KIF21A: variants seen among roughly 807,000 people sequenced by gnomAD.
KIF21A encodes the protein kinesin-like protein KIF21A.
In KIF21A, 114 loss-of-function variants were observed where a neutral mutation model predicts 202.9. The ratio of observed to expected loss-of-function variants is 0.56; its 90% CI spans 0.48 to 0.66. The LOEUF is 0.66. Among genes scored for constraint, KIF21A ranks in the 30% least tolerant of loss-of-function variants. KIF21A has a pLI of 0.00. For missense variants in KIF21A, 1,677 were observed against 1,994.9 expected (o/e 0.84, Z 3.04); for synonymous variants, 667 against 670.8 (o/e 0.99, Z 0.09).
chr12:39,441,996 T>G (rs1296493419), intron 1 of KIF21A, among the ~76,000 whole-genome samples: 3 of 152,174 alleles, frequency 2.0e-5, no homozygotes, highest in Non-Finnish European at 4.4e-5. Context: ...TTTCACACAG[T>G]GTGATGATGT....
intron 1 of KIF21A, among the ~76,000 whole-genome samples, chr12:39,396,190 A>G (rs1461517952): frequency 6.6e-6 from 1 of 152,162 alleles, no homozygotes; most frequent in Non-Finnish European, 1.5e-5. Context: ...ATCCCATACC[A>G]AGTTGCCCTT....
At chr12:39,400,320 A>T (rs1242491482) in intron 1 of KIF21A, among the ~76,000 whole-genome samples, 1 of 152,086 alleles carries the variant, frequency 6.6e-6, no homozygotes, top group African/African-American at 2.4e-5. Flanking sequence ...CATGTGCAGG[A>T]TGTGCTGGAT....
intron 26 of KIF21A, 109 bp downstream of exon 26, chr12:39,325,730 C>A: frequency 1.3e-6 from 1 of 776,244 alleles, no homozygotes; most frequent in Non-Finnish European, 2.3e-6. Context: ...TTAGTAAAAC[C>A]ATGCCCTCTT....
At chr12:39,400,490 C>T (rs548485407) in intron 1 of KIF21A, among the ~76,000 whole-genome samples, 1 of 152,192 alleles carries the variant, frequency 6.6e-6, no homozygotes, top group East Asian at 1.9e-4. Flanking sequence ...TCCATGTATC[C>T]ATTTGTTCTC....
chr12:39,404,392 T>C (rs914609690), intron 1 of KIF21A, among the ~76,000 whole-genome samples: 1 of 152,156 alleles, frequency 6.6e-6, no homozygotes, highest in Non-Finnish European at 1.5e-5. Flanking sequence ...ATAAAAATAA[T>C]GTGGAATAAT....
chr12:39,366,519 T>C lies in KIF21A; in HGVS notation c.736-2A>G. The C allele has an allele frequency of 6.3e-7, 1 of 1,585,616 alleles. No individual in the cohort carries two copies. Reference sequence around the variant, plus strand: ...AATTTTATTATCAGTTGCATTGTCCTGAAATTAAGAAAAATAATTGAAAAT... The same window carrying C: ...AATTTTATTATCAGTTGCATTGTCCCGAAATTAAGAAAAATAATTGAAAAT... On this transcript the variant is annotated splice_acceptor_variant, in intron 5 of 37. Transcript: ENST00000361418. LOFTEE classifies it high-confidence loss of function.
At chr12:39,441,660 T>TAAAAAAAAAAAGAAAAAAAAAAAA (rs1939606698) in intron 1 of KIF21A, among the ~76,000 whole-genome samples, 1 of 37,788 alleles carries the variant, frequency 2.6e-5, no homozygotes, top group Non-Finnish European at 5.6e-5. Context: ...CCCTGGGTGG[T>TAAAAAAAAAAAGAAAAAAAAAAAA]AAAAAAAAAA....
At chr12:39,396,145 A>G (rs1951739299) in intron 1 of KIF21A, among the ~76,000 whole-genome samples, 3 of 152,194 alleles carry the variant, frequency 2.0e-5, no homozygotes, top group African/African-American at 7.2e-5. Flanking sequence ...AGAACAAGGC[A>G]CAGAGACCCC....
intron 1 of KIF21A, among the ~76,000 whole-genome samples, chr12:39,382,146 A>C (rs903194301): frequency 6.6e-6 from 1 of 152,144 alleles, no homozygotes; most frequent in Non-Finnish European, 1.5e-5. Context: ...CCTTTCTTTG[A>C]TTTTCAGTTT....
At chr12:39,304,464 T>C (rs1322768107) in intron 35 of KIF21A, among the ~76,000 whole-genome samples, 1 of 152,226 alleles carries the variant, frequency 6.6e-6, no homozygotes, top group African/African-American at 2.4e-5. Context: ...AAATTTAACA[T>C]TTTTAGAATC....
intron 1 of KIF21A, among the ~76,000 whole-genome samples, chr12:39,379,326 T>TAA (rs58672877): frequency 5.4e-5 from 7 of 129,516 alleles, no homozygotes; most frequent in Admixed American, 1.6e-4. Flanking sequence ...AGACTCTGTC[T>TAA]AAAAAAAAAA....
At chr12:39,310,161 T>C (rs986789744) in intron 32 of KIF21A, among the ~76,000 whole-genome samples, 3 of 152,196 alleles carry the variant, frequency 2.0e-5, no homozygotes, top group Middle Eastern at 3.4e-3. Context: ...CTAGTAAATA[T>C]ACACACATTT....
At chr12:39,299,865 T>A (rs1034276130) in intron 37 of KIF21A, among the ~76,000 whole-genome samples, 2 of 151,864 alleles carry the variant, frequency 1.3e-5, no homozygotes, top group Admixed American at 1.3e-4. Context: ...GAACCAAATA[T>A]CACATGTTCT....
chr12:39,439,690 T>C lies in KIF21A; in HGVS notation c.44+3237A>G, dbSNP rs961787310. Among the ~76,000 whole-genome samples, 5 of 152,244 alleles carry C rather than the reference T, an allele frequency of 3.3e-5. No individual in the cohort carries two copies. In the East Asian group the frequency reaches 9.6e-4, roughly 29 times the overall value. On this transcript the variant is annotated intron_variant, in intron 1 of 37. Transcript: ENST00000361418. Reference sequence around the variant, plus strand: ...ATAATTCAAGCGCTTAATAGCCACATGGGGTTGGATAGCAAGGGCTGTTAT... The same window carrying C: ...ATAATTCAAGCGCTTAATAGCCACACGGGGTTGGATAGCAAGGGCTGTTAT...
intron 34 of KIF21A, among the ~76,000 whole-genome samples, chr12:39,306,679 AT>A (rs1485540429): frequency 5.3e-5 from 8 of 152,324 alleles, no homozygotes; most frequent in Admixed American, 3.9e-4. Context: ...GAATCCTGTA[AT>A]AGCCTGTTTA....
At position 39,367,116 on chromosome 12, in the gene KIF21A, T is replaced by C; in HGVS notation, c.649A>G (p.Thr217Ala). 6.2e-7 allele frequency: 1 copy of C among 1,613,898 alleles called. No homozygotes were observed. The highest frequency in any genetic ancestry group is 8.5e-7 in the Non-Finnish European group (1 of 1,179,806). ...CGAGAGCTCTGAACATTCATCTGGG[T>C]ACTGGCAGTTGTCCGGGATAAAGCA... Reference protein sequence around the residue: ...LGALSRTTASTQMNVQSSRSH... With the variant: ...LGALSRTTASAQMNVQSSRSH... Residue 217 changes from threonine (T) to alanine (A), a missense_variant, in exon 5 of 38, where the codon ACC becomes GCC. Coordinates refer to ENST00000361418, the MANE Select transcript of KIF21A (RefSeq NM_001173464.2).
At chr12:39,304,656 TAAGACAAC>T (rs1943283087) in intron 35 of KIF21A, among the ~76,000 whole-genome samples, 157 bp downstream of exon 35, 1 of 151,372 alleles carries the variant, frequency 6.6e-6, no homozygotes, top group South Asian at 2.1e-4. Flanking sequence ...GATTGAACAA[TAAGACAAC>T]AAAACCACTA....
chr12:39,331,609 G>T, intron 22 of KIF21A, 81 bp downstream of exon 22: 1 of 907,470 alleles, frequency 1.1e-6, no homozygotes, highest in Non-Finnish European at 1.9e-6. Context: ...ACAAAGCAAA[G>T]GGTTACTACA....
intron 1 of KIF21A, among the ~76,000 whole-genome samples, chr12:39,392,272 TGAAA>T (rs1171144968): frequency 6.6e-6 from 1 of 152,064 alleles, no homozygotes. Context: ...ACATGAAGAA[TGAAA>T]GAAAGAGTGA....
Sources: allele counts gnomAD v4.1 joint callset (sites outside exome capture counted in the v4.1 genomes callset), GRCh38; gene constraint gnomAD v4.1.1; transcripts MANE v1.5; gene names NCBI Gene and HGNC (gene_info 2026-07-23, HGNC 2026-07-21).